The following EYS variants were observed in gnomAD, a reference collection of about 807,000 sequenced individuals.
The protein encoded by EYS is protein eyes shut homolog.
A neutral mutation model predicts 282.1 loss-of-function variants in EYS; 250 were observed. The ratio of observed to expected loss-of-function variants is 0.89; its 90% CI spans 0.80 to 0.98. The LOEUF is 0.98. Among genes scored for constraint, EYS ranks in the 50% least tolerant of loss-of-function variants. The pLI is 0.00. For synonymous variants in EYS, 1,355 were observed against 1,282.9 expected (o/e 1.06, Z -1.20); for missense variants, 4,016 against 3,709.0 (o/e 1.08, Z -2.15).
intron 2 of EYS, among the ~76,000 whole-genome samples, chr6:65,539,188 T>A (rs1768070347): frequency 6.6e-6 from 1 of 152,210 alleles, no homozygotes; most frequent in Non-Finnish European, 1.5e-5. Flanking sequence ...ATATGCATCA[T>A]TGCATCACTA....
chr6:65,021,569 AT>A (rs1215894536), intron 13 of EYS, among the ~76,000 whole-genome samples: 1 of 151,968 alleles, frequency 6.6e-6, no homozygotes, highest in Non-Finnish European at 1.5e-5. Flanking sequence ...ATGTTCCCAC[AT>A]TTTTCTGTCT....
In EYS at chr6:64,219,865, G is replaced by A. The variant is rs189241658; in HGVS notation, c.6424+10727C>T. The stretch of plus-strand genomic sequence containing the variant: ...ACTATGCAGCCATAAAAAATGATGA[G>A]TTCAAGTCCTTTATAGGGACATGGA... On this transcript the variant is annotated intron_variant, in intron 31 of 42. Coordinates refer to ENST00000503581, the MANE Select transcript of EYS (RefSeq NM_001142800.2). Among the ~76,000 whole-genome samples the A allele has an allele frequency of 2.0e-5, 3 of 152,254 alleles. No individual in the cohort carries two copies. In the East Asian group the frequency reaches 5.8e-4, roughly 29 times the overall value.
chr6:63,825,226 C>T (rs1489250426), intron 36 of EYS, among the ~76,000 whole-genome samples: 1 of 152,152 alleles, frequency 6.6e-6, no homozygotes, highest in East Asian at 1.9e-4. Context: ...TGTCCCCCAT[C>T]CTCCACAGCA....
chr6:65,505,992 C>T (rs1447597166), intron 2 of EYS, among the ~76,000 whole-genome samples: 1 of 152,000 alleles, frequency 6.6e-6, no homozygotes, highest in African/African-American at 2.4e-5. Flanking sequence ...TGTATCCAAC[C>T]GTAATGGTGG....
intron 22 of EYS, among the ~76,000 whole-genome samples, chr6:64,740,033 G>T (rs1014995259): frequency 9.2e-5 from 14 of 152,008 alleles, no homozygotes; most frequent in Admixed American, 9.2e-4. Context: ...TCTGGTGGGG[G>T]GTGTATTTCT....
At chr6:64,106,606 G>A (rs1413436368) in intron 31 of EYS, among the ~76,000 whole-genome samples, 1 of 151,020 alleles carries the variant, frequency 6.6e-6, no homozygotes, top group Non-Finnish European at 1.5e-5. Flanking sequence ...TGAATATAAT[G>A]TGACTTCATG....
At chr6:64,519,895 A>G (rs1348518764) in intron 26 of EYS, among the ~76,000 whole-genome samples, 5 of 151,838 alleles carry the variant, frequency 3.3e-5, no homozygotes, top group Non-Finnish European at 5.9e-5. Context: ...ATAAATGTCT[A>G]ACTCACATCT....
intron 24 of EYS, among the ~76,000 whole-genome samples, chr6:64,606,104 T>C (rs1017219607): frequency 9.9e-5 from 15 of 152,128 alleles, no homozygotes; most frequent in African/African-American, 3.6e-4. Flanking sequence ...ATCTCTTCTC[T>C]ACGAATCTGA....
intron 22 of EYS, among the ~76,000 whole-genome samples, chr6:64,703,289 T>C (rs1039465666): frequency 1.3e-5 from 2 of 150,618 alleles, no homozygotes; most frequent in African/African-American, 4.9e-5. Flanking sequence ...TATTGAAATA[T>C]AGTGCCCAAA....
chr6:63,848,464 T>G (rs1772156734), intron 36 of EYS, among the ~76,000 whole-genome samples: 1 of 151,944 alleles, frequency 6.6e-6, no homozygotes, highest in African/African-American at 2.4e-5. Context: ...GTGATATTTC[T>G]GCACTTCCAA....
chr6:64,468,820 G>A (rs1040915662), intron 26 of EYS, among the ~76,000 whole-genome samples: 1 of 152,180 alleles, frequency 6.6e-6, no homozygotes, highest in South Asian at 2.1e-4. Context: ...CTTTGTTGCT[G>A]TAAAGGACAT....
intron 24 of EYS, among the ~76,000 whole-genome samples, chr6:64,597,827 A>G (rs1261194324): frequency 6.6e-6 from 1 of 152,198 alleles, no homozygotes; most frequent in African/African-American, 2.4e-5. Context: ...ATAGACAGTC[A>G]CGTAACAAAA....
chr6:65,219,625 C>A (rs1766408571), intron 12 of EYS, among the ~76,000 whole-genome samples: 1 of 151,878 alleles, frequency 6.6e-6, no homozygotes, highest in African/African-American at 2.4e-5. Context: ...TTTCTGAATT[C>A]CAGTGAAATG....
chr6:65,587,970 AT>A (rs1765111966), intron 2 of EYS, among the ~76,000 whole-genome samples: 1 of 152,132 alleles, frequency 6.6e-6, no homozygotes, highest in Non-Finnish European at 1.5e-5. Flanking sequence ...AGTTTGAACA[AT>A]AAATCATTCA....
chr6:63,933,204 GT>G (rs943539728), intron 35 of EYS, among the ~76,000 whole-genome samples: 5 of 151,814 alleles, frequency 3.3e-5, no homozygotes, highest in Admixed American at 1.3e-4. Flanking sequence ...TGTTCTTTTG[GT>G]TTTTTTTAAA....
intron 22 of EYS, among the ~76,000 whole-genome samples, chr6:64,654,176 A>G (rs1159022594): frequency 1.3e-5 from 2 of 152,200 alleles, no homozygotes; most frequent in African/African-American, 2.4e-5. Context: ...TGTTTCTACT[A>G]GAGCAAAATA....
intron 28 of EYS, among the ~76,000 whole-genome samples, chr6:64,401,907 C>T (rs1224254094): frequency 1.3e-5 from 2 of 152,040 alleles, no homozygotes; most frequent in African/African-American, 2.4e-5. Flanking sequence ...AGTCTAAACA[C>T]GTTCATTTGG....
intron 28 of EYS, among the ~76,000 whole-genome samples, chr6:64,420,164 G>T (rs905983815): frequency 1.3e-5 from 2 of 151,370 alleles, no homozygotes; most frequent in African/African-American, 2.4e-5. Flanking sequence ...TCAACACCAT[G>T]TGGAAACTGC....
intron 13 of EYS, among the ~76,000 whole-genome samples, chr6:65,023,988 C>T (rs925144461): frequency 6.6e-6 from 1 of 152,048 alleles, no homozygotes; most frequent in African/African-American, 2.4e-5. Flanking sequence ...ACGTACTAGT[C>T]AAGATGGAAG....
Sources: gnomAD v4.1 joint callset for allele counts (sites outside exome capture counted in the v4.1 genomes callset) on GRCh38, gnomAD v4.1.1 for gene constraint, MANE v1.5 for transcripts, NCBI Gene and HGNC (gene_info 2026-07-23, HGNC 2026-07-21) for gene names.